Variants in PPEF1 observed in about 807,000 individuals in gnomAD.
PPEF1 encodes the protein serine/threonine-protein phosphatase with EF-hands 1.
PPEF1 carries 12 observed loss-of-function variants against 53.3 expected under a neutral mutation model. That is an observed-to-expected ratio of 0.23 (90% CI 0.14 to 0.36). The LOEUF is 0.36. Among genes scored for constraint, PPEF1 ranks in the 10% least tolerant of loss-of-function variants. PPEF1 has a pLI of 1.00. For synonymous variants in PPEF1, 165 were observed against 176.7 expected (o/e 0.93, Z 0.52); for missense variants, 334 against 490.4 (o/e 0.68, Z 3.01).
At chrX:18,820,794 A>G (rs1382560805) in intron 13 of PPEF1, among the ~76,000 whole-genome samples, 1 of 112,407 alleles carries the variant, frequency 8.9e-6, no homozygotes, top group Non-Finnish European at 1.9e-5. Context: ...ACACACTGGA[A>G]CATAAAGTGA....
chrX:18,740,796 AT>A (rs2045136650), intron 3 of PPEF1, among the ~76,000 whole-genome samples: 1 of 111,107 alleles, frequency 9.0e-6, no homozygotes, highest in East Asian at 2.8e-4. Context: ...TTCAAAAATG[AT>A]TTTAAAATTA....
upstream of PPEF1, among the ~76,000 whole-genome samples, chrX:18,678,128 CAAAAA>C (rs57502489): frequency 0.019 from 645 of 33,769 alleles, 20 homozygotes; most frequent in Admixed American, 0.18. Context: ...GAGAACCTGG[CAAAAA>C]AAAAAAAAAA....
upstream of PPEF1, among the ~76,000 whole-genome samples, chrX:18,706,889 T>C (rs1199635965): frequency 2.4e-5 from 2 of 84,134 alleles, no homozygotes; most frequent in Non-Finnish European, 4.4e-5. Context: ...AGTACAGTGG[T>C]GCGATCTCAG....
chrX:18,713,756 T>C (rs2044380259), intron 1 of PPEF1, among the ~76,000 whole-genome samples: 1 of 111,878 alleles, frequency 8.9e-6, no homozygotes, highest in Admixed American at 9.5e-5. Context: ...GATAATTTCC[T>C]TCAATGTATT....
chrX:18,722,620 G>A (rs956998904), intron 1 of PPEF1, among the ~76,000 whole-genome samples: 7 of 112,370 alleles, frequency 6.2e-5, no homozygotes, highest in African/African-American at 1.3e-4. Context: ...CATTTCATTT[G>A]TTCAACAAAT....
chrX:18,687,073 G>T (rs149526694), intron 3 of PPEF1, among the ~76,000 whole-genome samples: 41 of 111,484 alleles, frequency 3.7e-4, no homozygotes, highest in Non-Finnish European at 7.2e-4. Flanking sequence ...GGCAGAATAG[G>T]GGGAAGGACA....
chrX:18,677,618 A>G (rs905732370), intron 1 of PPEF1, among the ~76,000 whole-genome samples: 5 of 110,879 alleles, frequency 4.5e-5, no homozygotes, highest in Non-Finnish European at 9.4e-5. Context: ...CCCCAACCCT[A>G]ATCTCGGTTA....
At chrX:18,818,215 C>A in intron 13 of PPEF1, 70 bp downstream of exon 13, 1 of 670,702 alleles carries the variant, frequency 1.5e-6, no homozygotes, top group Non-Finnish European at 2.2e-6. Flanking sequence ...TTTCATTTTC[C>A]TTGCTTCCTT....
chrX:18,819,768 G>A (rs1461513589), intron 13 of PPEF1, among the ~76,000 whole-genome samples: 1 of 111,903 alleles, frequency 8.9e-6, no homozygotes, highest in East Asian at 2.8e-4. Context: ...ACTGGGAGGA[G>A]AGAATAGAAT....
Position 18,724,441 on chromosome X carries a change from G to C in PPEF1, c.47-5740G>C, listed in dbSNP as rs143057050. On this transcript the variant is annotated intron_variant, in intron 1 of 15. Transcript: ENST00000470157. ...ATTTCTTGCAAGATACCATGATAGT[G>C]ATTGCCACCAGAGAAAAGAATCTAT... Among the ~76,000 whole-genome samples the C allele has an allele frequency of 6.5e-3, 722 of 111,800 alleles. 1 individual carries two copies. Among genetic ancestry groups the C allele is most frequent in the Non-Finnish European group, 9.7e-3 (516 of 53,154 alleles).
intron 5 of PPEF1, among the ~76,000 whole-genome samples, chrX:18,757,984 T>C (rs1195277042): frequency 2.7e-5 from 3 of 111,685 alleles, no homozygotes; most frequent in African/African-American, 9.8e-5. Context: ...CATTTTAATA[T>C]GGAAAAACCA....
At chrX:18,677,150 C>T (rs1252776758) in intron 1 of PPEF1, among the ~76,000 whole-genome samples, 2 of 109,199 alleles carry the variant, frequency 1.8e-5, no homozygotes, top group African/African-American at 6.7e-5. Context: ...AATTCTCCTG[C>T]CTCAGCCACC....
chrX:18,740,521 T>C (rs1300708440), intron 3 of PPEF1, among the ~76,000 whole-genome samples: 1 of 109,749 alleles, frequency 9.1e-6, no homozygotes, highest in Non-Finnish European at 1.9e-5. Flanking sequence ...GTGATTCTCC[T>C]GCCTCAGCCT....
chrX:18,809,992 A>G (rs552362434), intron 12 of PPEF1, among the ~76,000 whole-genome samples: 32 of 110,472 alleles, frequency 2.9e-4, no homozygotes, highest in African/African-American at 9.8e-4. Context: ...AAATCATCAC[A>G]TTGTATACCT....
At chrX:18,785,521 C>A (rs2046180795) in intron 9 of PPEF1, among the ~76,000 whole-genome samples, 1 of 110,433 alleles carries the variant, frequency 9.1e-6, no homozygotes, top group Non-Finnish European at 1.9e-5. Context: ...GATGATGATG[C>A]TTCCTGGCTT....
chrX:18,762,724 T>C (rs1197491473), intron 6 of PPEF1, among the ~76,000 whole-genome samples: 1 of 111,979 alleles, frequency 8.9e-6, no homozygotes, highest in Non-Finnish European at 1.9e-5. Context: ...ATGATGCTGA[T>C]GGGAGTATAG....
chrX:18,820,788 A>G (rs2047019106), intron 13 of PPEF1, among the ~76,000 whole-genome samples: 1 of 112,351 alleles, frequency 8.9e-6, no homozygotes, highest in Non-Finnish European at 1.9e-5. Flanking sequence ...GTGACCACAC[A>G]CTGGAACATA....
chrX:18,780,296 G>T (rs938022818), intron 7 of PPEF1, among the ~76,000 whole-genome samples: 1 of 112,008 alleles, frequency 8.9e-6, no homozygotes, highest in African/African-American at 3.2e-5. Flanking sequence ...GAGAGCTGAA[G>T]AATGAATTAG....
At chrX:18,805,841 TAAA>T (rs145416225) in intron 11 of PPEF1, among the ~76,000 whole-genome samples, 35 of 85,637 alleles carry the variant, frequency 4.1e-4, no homozygotes, top group Non-Finnish European at 6.1e-4. Context: ...GACTCCATCT[TAAA>T]AAAAAAAAAA....
Sources: gnomAD v4.1 joint callset for allele counts (sites outside exome capture counted in the v4.1 genomes callset) on GRCh38, gnomAD v4.1.1 for gene constraint, MANE v1.5 for transcripts, NCBI Gene and HGNC (gene_info 2026-07-23, HGNC 2026-07-21) for gene names.